TXK: variants seen among roughly 807,000 people sequenced by gnomAD.
The protein encoded by TXK is tyrosine-protein kinase TXK.
In TXK, 60 loss-of-function variants were observed where a neutral mutation model predicts 81.0. The ratio of observed to expected loss-of-function variants is 0.74; its 90% CI spans 0.60 to 0.92. The LOEUF (loss-of-function observed/expected upper bound fraction) is 0.92. TXK is among the 40% of genes least tolerant of loss of function. The pLI is 0.00. For missense variants in TXK, 581 were observed against 638.3 expected (o/e 0.91, Z 0.97); for synonymous variants, 203 against 210.7 (o/e 0.96, Z 0.32).
chr4:48,098,604 T>C (rs945005738), intron 6 of TXK, among the ~76,000 whole-genome samples: 23 of 151,502 alleles, frequency 1.5e-4, no homozygotes, highest in African/African-American at 5.1e-4. Context: ...CTTAACACAA[T>C]AGCACTTACT....
Position 48,107,877 on chromosome 4 carries a change from ACC to A in TXK, c.446+2659_446+2660del, listed in dbSNP as rs1209777540. On this transcript the variant is annotated intron_variant, in intron 5 of 14. Transcript: ENST00000264316. ...GGAGATTGAGACCATCCTGGCTAAC[ACC>A]GTGAAACTCTGTCTCTACTTAAAAA... Among the ~76,000 whole-genome samples, 5 of 145,024 alleles carry A rather than the reference ACC, an allele frequency of 3.4e-5. No individual in the cohort carries two copies. In the East Asian group the frequency reaches 1.0e-3, roughly 29 times the overall value.
intron 9 of TXK, among the ~76,000 whole-genome samples, chr4:48,087,874 C>T (rs1052973505): frequency 2.0e-4 from 31 of 151,806 alleles, no homozygotes; most frequent in African/African-American, 7.0e-4. Flanking sequence ...TCAAAAATAC[C>T]CCCATTAAGA....
intron 1 of TXK, among the ~76,000 whole-genome samples, chr4:48,128,822 C>A (rs1447919758): frequency 6.6e-6 from 1 of 152,004 alleles, no homozygotes; most frequent in Non-Finnish European, 1.5e-5. Context: ...CTGCCTCGGC[C>A]TCCCAAAGTG....
At chr4:48,124,342 C>A (rs1719032026) in intron 1 of TXK, among the ~76,000 whole-genome samples, 1 of 152,160 alleles carries the variant, frequency 6.6e-6, no homozygotes, top group Admixed American at 6.5e-5. Context: ...GCCAAATGTT[C>A]CCTGGGGGCA....
Position 48,067,720 on chromosome 4 carries a change from TGGG to T in TXK, c.1516-18_1516-16del, listed in dbSNP as rs1560335405. The T allele has an allele frequency of 6.2e-7, 1 of 1,612,810 alleles. No homozygotes were observed. On this transcript the variant is annotated splice_polypyrimidine_tract_variant and intron_variant, in intron 14 of 14. Transcript: ENST00000264316. ...CCTTCAGGTTTCTGGAAAAGGGAAGTGGGGGTGGTTAGCTCAGCTTAACCAACT... is the reference window on the plus strand; with the variant it reads ...CCTTCAGGTTTCTGGAAAAGGGAAGTGGTGGTTAGCTCAGCTTAACCAACT...
chr4:48,118,501 G>A (rs1718872355), intron 1 of TXK, among the ~76,000 whole-genome samples: 1 of 152,198 alleles, frequency 6.6e-6, no homozygotes, highest in Non-Finnish European at 1.5e-5. Context: ...TAGTACGCAT[G>A]ACTGATTTCA....
chr4:48,079,460 G>T (rs1003064799), intron 11 of TXK, among the ~76,000 whole-genome samples: 14 of 152,024 alleles, frequency 9.2e-5, no homozygotes, highest in Non-Finnish European at 1.5e-4. Flanking sequence ...CCCAGGAACT[G>T]ACTCAGCATG....
chr4:48,071,783 G>T, intron 13 of TXK, 109 bp from the exon 14 acceptor site: 1 of 1,260,860 alleles, frequency 7.9e-7, no homozygotes, highest in South Asian at 1.4e-5. Flanking sequence ...CAGGCTTTGG[G>T]CTATAACCAT....
chr4:48,078,662 T>G (rs1413662722), intron 11 of TXK, among the ~76,000 whole-genome samples: 1 of 152,232 alleles, frequency 6.6e-6, no homozygotes, highest in Non-Finnish European at 1.5e-5. Context: ...TTTATTTAAA[T>G]AGGAATGTTC....
chr4:48,123,247 C>A (rs1378476562), intron 1 of TXK, among the ~76,000 whole-genome samples: 1 of 151,980 alleles, frequency 6.6e-6, no homozygotes, highest in African/African-American at 2.4e-5. Flanking sequence ...AGTTAGGTAC[C>A]CATTCTATGA....
chr4:48,121,695 ATGTC>A (rs994329453), intron 1 of TXK, among the ~76,000 whole-genome samples: 1 of 152,190 alleles, frequency 6.6e-6, no homozygotes, highest in African/African-American at 2.4e-5. Context: ...CAAGAAAAAA[ATGTC>A]TGTACATGTT....
intron 6 of TXK, among the ~76,000 whole-genome samples, chr4:48,100,000 G>A (rs1718127951): frequency 6.6e-6 from 1 of 151,166 alleles, no homozygotes; most frequent in African/African-American, 2.4e-5. Context: ...GTGAAACCCC[G>A]TCTCTACTAA....
Position 48,067,720 on chromosome 4 carries a change from T to G in TXK, c.1516-15A>C, listed in dbSNP as rs565843003. ...CCTTCAGGTTTCTGGAAAAGGGAAGTGGGGGTGGTTAGCTCAGCTTAACCA... is the reference window on the plus strand; with the variant it reads ...CCTTCAGGTTTCTGGAAAAGGGAAGGGGGGGTGGTTAGCTCAGCTTAACCA... On this transcript the variant is annotated splice_polypyrimidine_tract_variant and intron_variant, in intron 14 of 14. Transcript: ENST00000264316. 1.2e-6 allele frequency: 2 copies of G among 1,612,810 alleles called. No individual in the cohort carries two copies. The highest frequency in any genetic ancestry group is 2.7e-5 in the African/African-American group (2 of 74,978).
chr4:48,125,175 G>A (rs531049525), intron 1 of TXK, among the ~76,000 whole-genome samples: 1 of 152,322 alleles, frequency 6.6e-6, no homozygotes, highest in South Asian at 2.1e-4. Flanking sequence ...ATAAAAAGCA[G>A]CTGAGCCAGA....
chr4:48,105,544 G>C (rs995866521), intron 5 of TXK, among the ~76,000 whole-genome samples: 2 of 152,140 alleles, frequency 1.3e-5, no homozygotes, highest in Non-Finnish European at 2.9e-5. Context: ...GGATGGAAGT[G>C]GGGGTGAGAG....
At position 48,084,903 on chromosome 4, in the gene TXK, C is replaced by T. The variant is rs576372750; in HGVS notation, c.956+1563G>A. Among the ~76,000 whole-genome samples, 106 of 152,144 alleles carry T rather than the reference C, an allele frequency of 7.0e-4. 1 individual carries two copies. The highest frequency in any genetic ancestry group is 2.3e-3 in the African/African-American group (97 of 41,516). On this transcript the variant is annotated intron_variant, in intron 10 of 14. Transcript: ENST00000264316. The stretch of plus-strand genomic sequence containing the variant: ...TTAATCGAGAATGGGTCCAGTTAAT[C>T]GAGAATGGGTCCAGTTAATCACCTC...
chr4:48,109,973 TTC>T (rs1240437769), intron 5 of TXK, among the ~76,000 whole-genome samples: 3 of 152,194 alleles, frequency 2.0e-5, no homozygotes, highest in African/African-American at 7.2e-5. Context: ...TCTCAGGCCG[TTC>T]TCTACCTGTA....
intron 6 of TXK, among the ~76,000 whole-genome samples, chr4:48,102,844 T>A (rs1718251800): frequency 6.6e-6 from 1 of 152,140 alleles, no homozygotes; most frequent in Non-Finnish European, 1.5e-5. Flanking sequence ...AACTAAAAAA[T>A]CAACATACAT....
chr4:48,123,088 C>T (rs1188297939), intron 1 of TXK, among the ~76,000 whole-genome samples: 2 of 152,110 alleles, frequency 1.3e-5, no homozygotes, highest in East Asian at 3.8e-4. Context: ...ATCATCAAAG[C>T]CAAAAAGTGT....
Sources: gnomAD v4.1 joint callset for allele counts (sites outside exome capture counted in the v4.1 genomes callset) on GRCh38, gnomAD v4.1.1 for gene constraint, MANE v1.5 for transcripts, NCBI Gene and HGNC (gene_info 2026-07-23, HGNC 2026-07-21) for gene names.